ARHGEF28: variants seen among roughly 807,000 people sequenced by gnomAD.
ARHGEF28 encodes the protein 190 kDa guanine nucleotide exchange factor.
Under a neutral mutation model 206.6 loss-of-function variants are expected in ARHGEF28, and 152 were observed. The ratio of observed to expected loss-of-function variants is 0.74; its 90% CI spans 0.64 to 0.84. The LOEUF (loss-of-function observed/expected upper bound fraction) is 0.84. ARHGEF28 is among the 40% of genes least tolerant of loss of function. The pLI, the probability that ARHGEF28 is intolerant of heterozygous loss-of-function variation, is 0.00. For synonymous variants in ARHGEF28, 763 were observed against 776.4 expected (o/e 0.98, Z 0.29); for missense variants, 2,028 against 2,073.2 (o/e 0.98, Z 0.42).
intron 2 of ARHGEF28, among the ~76,000 whole-genome samples, chr5:73,726,707 A>G (rs149722221): frequency 2.2e-4 from 33 of 152,312 alleles, no homozygotes; most frequent in Non-Finnish European, 4.1e-4. Context: ...AAATGAGAGA[A>G]CATGTTTTAT....
chr5:73,771,778 T>C (rs964168378), intron 4 of ARHGEF28, among the ~76,000 whole-genome samples: 10 of 152,210 alleles, frequency 6.6e-5, no homozygotes, highest in African/African-American at 2.4e-4. Flanking sequence ...CCTCACTTTT[T>C]ATTCAAAGGA....
intron 25 of ARHGEF28, among the ~76,000 whole-genome samples, chr5:73,887,315 C>T (rs72772581): frequency 0.037 from 5,559 of 152,252 alleles, 174 homozygotes; most frequent in Non-Finnish European, 0.052. Context: ...TAAGAGTTTG[C>T]TCCATTTTAT....
At chr5:73,910,626 A>G (rs916386878) in intron 34 of ARHGEF28, among the ~76,000 whole-genome samples, 8 of 152,168 alleles carry the variant, frequency 5.3e-5, no homozygotes, top group Admixed American at 3.3e-4. Flanking sequence ...TAGAAGATCA[A>G]TTAACTATGA....
intron 2 of ARHGEF28, among the ~76,000 whole-genome samples, chr5:73,692,566 G>T (rs1347929046): frequency 1.1e-4 from 17 of 152,296 alleles, no homozygotes; most frequent in Non-Finnish European, 2.1e-4. Flanking sequence ...CTCATTGTGG[G>T]TGTTGAAGGT....
intron 33 of ARHGEF28, chr5:73,905,128 C>G (rs753582876): frequency 6.6e-6 from 1 of 152,336 alleles, no homozygotes; most frequent in Non-Finnish European, 1.5e-5. Context: ...ACCTGAACTC[C>G]GCCTCCTGTG....
intron 6 of ARHGEF28, among the ~76,000 whole-genome samples, chr5:73,776,921 A>G (rs1753577474): frequency 6.6e-6 from 1 of 152,098 alleles, no homozygotes. Context: ...AGTCTTTTCC[A>G]TAGTTGGGTT....
At chr5:73,752,591 A>T (rs1333043639) in intron 3 of ARHGEF28, among the ~76,000 whole-genome samples, 1 of 152,196 alleles carries the variant, frequency 6.6e-6, no homozygotes, top group Non-Finnish European at 1.5e-5. Flanking sequence ...ACACAAATTC[A>T]GGGGTCAGGG....
chr5:73,940,594 G>A (rs1279818784), intron 35 of ARHGEF28, among the ~76,000 whole-genome samples: 3 of 152,170 alleles, frequency 2.0e-5, no homozygotes, highest in Non-Finnish European at 4.4e-5. Context: ...CAATAGCAGC[G>A]GTTTAAGATC....
intron 2 of ARHGEF28, among the ~76,000 whole-genome samples, chr5:73,709,469 T>C (rs1436026328): frequency 6.6e-6 from 1 of 152,200 alleles, no homozygotes; most frequent in African/African-American, 2.4e-5. Context: ...ACTATGGCAC[T>C]GAACAAAGGG....
rs535030742 is a variant in ARHGEF28 at position 73,938,270 on chromosome 5, A to T, written c.4949-2574A>T. Reference sequence around the variant, plus strand: ...TGAAGTAGAGCATACAATGTAACTTAAAAAAGAGTTATTTCTGATATATAT... The same window carrying T: ...TGAAGTAGAGCATACAATGTAACTTTAAAAAGAGTTATTTCTGATATATAT... On this transcript the variant is annotated intron_variant, in intron 35 of 35. Coordinates refer to ENST00000513042, the MANE Select transcript of ARHGEF28 (RefSeq NM_001177693.2). Among the ~76,000 whole-genome samples the T allele has an allele frequency of 4.7e-4, 71 of 151,984 alleles. 1 individual carries two copies. Among genetic ancestry groups the T allele is most frequent in the Non-Finnish European group, 1.3e-4 (9 of 67,978 alleles).
chr5:73,904,374 A>G lies in ARHGEF28; in HGVS notation c.4130A>G (p.Gln1377Arg). 1 of 1,613,124 alleles carries G rather than the reference A, an allele frequency of 6.2e-7. No homozygotes were observed. The highest frequency in any genetic ancestry group is 8.5e-7 in the Non-Finnish European group (1 of 1,179,552). ...GTTTTTCAGATTATACAAGCCATACAGAATTTAACCCGTCTCTTATACAGC... is the reference window on the plus strand; with the variant it reads ...GTTTTTCAGATTATACAAGCCATACGGAATTTAACCCGTCTCTTATACAGC... Reference protein sequence around the residue: ...SSQSEIIQAIQNLTRLLYSLQ... With the variant: ...SSQSEIIQAIRNLTRLLYSLQ... Residue 1377 changes from glutamine (Q) to arginine (R), a missense_variant, in exon 33 of 36, where the codon CAG becomes CGG. Gln to Arg is a conservative substitution (Grantham distance 43). Transcript: ENST00000513042.
chr5:73,705,405 A>G (rs2112296010), intron 2 of ARHGEF28, among the ~76,000 whole-genome samples: 1 of 152,140 alleles, frequency 6.6e-6, no homozygotes, highest in Non-Finnish European at 1.5e-5. Context: ...CCCACTTTAT[A>G]CCTTCCACCT....
In ARHGEF28 at chr5:73,752,959, G is replaced by A. The variant is rs769069681; in HGVS notation, c.232G>A (p.Gly78Ser). 11 of 1,613,778 alleles carry A rather than the reference G, an allele frequency of 6.8e-6. No homozygotes were observed. The highest frequency in any genetic ancestry group is 6.6e-5 in the South Asian group (6 of 91,026). Residue 78 changes from glycine to serine, a missense_variant, in exon 4 of 36, where the codon GGT becomes AGT. By Grantham distance (56) the Gly-to-Ser change is moderately conservative. Around this residue, in one of 3 missense-constraint regions of ARHGEF28, gnomAD observed 1,002 missense variants for 1,015.3 expected, o/e 0.99. Transcript: ENST00000513042. ...GGTATCTGTGTGCCTCTGCTCGGAA[G>A]GTTACTCTCCGGTGACCATGGGCTC... ...VTVSVCLCSE[G>S]YSPVTMGSGS... is the part of the protein sequence containing the mutation.
intron 3 of ARHGEF28, 79 bp from the exon 4 acceptor site, chr5:73,752,830 G>C: frequency 6.6e-7 from 1 of 1,511,920 alleles, no homozygotes; most frequent in African/African-American, 1.4e-5. Flanking sequence ...TAAGCTATGT[G>C]GTGGGGCTAG....
chr5:73,753,797 A>G (rs997397763), intron 4 of ARHGEF28, among the ~76,000 whole-genome samples: 3 of 152,236 alleles, frequency 2.0e-5, no homozygotes, highest in Non-Finnish European at 4.4e-5. Context: ...ACTAGACATG[A>G]GGCTAAACTG....
chr5:73,753,338 C>A, intron 4 of ARHGEF28, 136 bp downstream of exon 4: 2 of 927,746 alleles, frequency 2.2e-6, no homozygotes, highest in Non-Finnish European at 3.0e-6. Context: ...TGTGGAGGGG[C>A]TCCCTGAGGT....
At chr5:73,929,886 G>A (rs1764010236) in intron 35 of ARHGEF28, among the ~76,000 whole-genome samples, 1 of 151,556 alleles carries the variant, frequency 6.6e-6, no homozygotes, top group African/African-American at 2.4e-5. Context: ...TGTTTTTAAC[G>A]CTTATATAGC....
rs535112515 is a variant in ARHGEF28 at position 73,668,762 on chromosome 5, G to A, written c.-11-16079G>A. On this transcript the variant is annotated intron_variant, in intron 1 of 35. Coordinates refer to ENST00000513042, the MANE Select transcript of ARHGEF28 (RefSeq NM_001177693.2). ...TATTAACTTCTGAGTACTCTTACTT[G>A]GAAACCCTTCTAAGTAGCAGGAAGA... Among the ~76,000 whole-genome samples the A allele has an allele frequency of 3.3e-5, 5 of 152,326 alleles. No homozygotes were observed. In the South Asian group the frequency reaches 1.0e-3, roughly 32 times the overall value.
chr5:73,664,861 C>A (rs958625526), intron 1 of ARHGEF28, among the ~76,000 whole-genome samples: 12 of 152,262 alleles, frequency 7.9e-5, no homozygotes, highest in African/African-American at 2.9e-4. Context: ...AGACACAAGT[C>A]ATCACATTTC....
Sources: allele counts gnomAD v4.1 joint callset (sites outside exome capture counted in the v4.1 genomes callset), GRCh38; gene constraint gnomAD v4.1.1; regional missense constraint gnomAD v4.1.1; transcripts MANE v1.5; gene names NCBI Gene and HGNC (gene_info 2026-07-23, HGNC 2026-07-21).